The following SLAMF8 variants were observed in gnomAD, a reference collection of about 807,000 sequenced individuals.
SLAMF8 encodes SLAM family member 8.
A neutral mutation model predicts 29.0 loss-of-function variants in SLAMF8; 23 were observed. The observed-to-expected ratio is 0.79, with a 90% CI of 0.57 to 1.13. SLAMF8 has a LOEUF of 1.13. Ranked by LOEUF, SLAMF8 falls within the 50% of genes most tolerant of loss-of-function variation. SLAMF8 has a pLI of 0.00. For missense variants in SLAMF8, 381 were observed against 353.1 expected (o/e 1.08, Z -0.63); for synonymous variants, 139 against 145.6 (o/e 0.96, Z 0.32).
At position 159,837,131 on chromosome 1, in the gene SLAMF8, G is replaced by T. The variant is rs1050400551; in HGVS notation, c.*1871G>T. The T allele has an allele frequency of 2.8e-5, 28 of 985,374 alleles. No individual in the cohort carries two copies. The highest frequency in any genetic ancestry group is 5.2e-4 in the Middle Eastern group (1 of 1,936). 61.0% of individuals were successfully genotyped at this position (985,374 alleles called of 1,614,324 possible). ...AGCTCTGGATGAGATGGGACCTGCAGCTCTCCCTCCACAAGGTGACTCTTA... is the reference window on the plus strand; with the variant it reads ...AGCTCTGGATGAGATGGGACCTGCATCTCTCCCTCCACAAGGTGACTCTTA... On this transcript the variant is annotated 3_prime_UTR_variant, in exon 5 of 5. Transcript: ENST00000289707.
chr1:159,828,424 G>A (rs1286159314), intron 1 of SLAMF8, among the ~76,000 whole-genome samples: 4 of 152,186 alleles, frequency 2.6e-5, no homozygotes, highest in East Asian at 3.8e-4. Flanking sequence ...GAGGGGGACC[G>A]GAATTATCAT....
At chr1:159,826,971 A>G in intron 1 of SLAMF8, 33 bp downstream of exon 1, 1 of 1,613,702 alleles carries the variant, frequency 6.2e-7, no homozygotes, top group Non-Finnish European at 8.5e-7. Context: ...CTGTCCTCGG[A>G]GAGCTGAAGG....
chr1:159,833,229 A>T (rs1647629883), intron 3 of SLAMF8, 33 bp from the exon 4 acceptor site: 1 of 1,614,056 alleles, frequency 6.2e-7, no homozygotes, highest in South Asian at 1.1e-5. Flanking sequence ...TGAAGCATCA[A>T]GTCCACCTCT....
Position 159,836,098 on chromosome 1 carries a change from G to A in SLAMF8, c.*838G>A, listed in dbSNP as rs16842684. The A allele has an allele frequency of 0.012, 11,842 of 985,392 alleles. 1,009 individuals are homozygous for A. The African/African-American group carries it at 0.18, about 15-fold the overall frequency. 61.0% of individuals were successfully genotyped at this position (985,392 alleles called of 1,614,324 possible). On this transcript the variant is annotated 3_prime_UTR_variant, in exon 5 of 5. Coordinates refer to ENST00000289707, the MANE Select transcript of SLAMF8 (RefSeq NM_020125.3). Reference sequence around the variant, plus strand: ...CTGAATTTGCCCCAGCCAACAGGACGTTCTTGCACAACTTCAAGAAAAGCA... The same window carrying A: ...CTGAATTTGCCCCAGCCAACAGGACATTCTTGCACAACTTCAAGAAAAGCA...
Position 159,835,258 on chromosome 1 carries a change from T to C in SLAMF8, c.856T>C (p.Ter286GlnextTer4), listed in dbSNP as rs1468155975. 3 of 1,613,498 alleles carry C rather than the reference T, an allele frequency of 1.9e-6. No individual in the cohort carries two copies. The highest frequency in any genetic ancestry group is 2.2e-5 in the East Asian group (1 of 44,862). ...TENPLVQDLP* is the reference protein window; with the variant it reads ...TENPLVQDLPQ ...GAACCCCCTTGTGCAGGATCTGCCA[T>C]AAAGGACAATATGAACTGATGCCTG... Residue 286 changes from the stop codon to glutamine, a stop_lost, in exon 5 of 5, where the codon TAA becomes CAA. Transcript: ENST00000289707.
chr1:159,830,246 C>A (rs774291693), intron 2 of SLAMF8, 54 bp downstream of exon 2: 2 of 1,500,832 alleles, frequency 1.3e-6, no homozygotes, highest in South Asian at 2.7e-5. Context: ...AAGCACCAGA[C>A]GAGCATCCTG....
intron 2 of SLAMF8, 149 bp downstream of exon 2, chr1:159,830,341 C>A: frequency 1.2e-6 from 1 of 839,986 alleles, no homozygotes; most frequent in Non-Finnish European, 1.8e-6. Flanking sequence ...TGCTCCCTGG[C>A]AGTCACGTCT....
intron 2 of SLAMF8, 46 bp from the exon 3 acceptor site, chr1:159,832,830 G>A: frequency 6.3e-7 from 1 of 1,584,996 alleles, no homozygotes; most frequent in East Asian, 2.2e-5. Flanking sequence ...TGTGGGCCCT[G>A]CCCAGCATCC....
In SLAMF8 at chr1:159,835,778, C is replaced by T. The variant is rs1647883756; in HGVS notation, c.*518C>T. On this transcript the variant is annotated 3_prime_UTR_variant, in exon 5 of 5. Coordinates refer to ENST00000289707, the MANE Select transcript of SLAMF8 (RefSeq NM_020125.3). ...ATGCTTCCTGAGGGCCAAGGCATTG[C>T]TGTAAGAAAAGGTCTAGAAATAGGT... 3.0e-6 allele frequency: 3 copies of T among 985,488 alleles called. No homozygotes were observed. Among genetic ancestry groups the T allele is most frequent in the East Asian group, 1.1e-4 (1 of 8,836 alleles). 61.0% of individuals were successfully genotyped at this position (985,488 alleles called of 1,614,324 possible). A position where few individuals can be genotyped will look rare whatever the true frequency, so the allele number is the denominator to read the frequency against.
In SLAMF8 at chr1:159,833,242, C is replaced by G; in HGVS notation, c.674-20C>G. 6.2e-7 allele frequency: 1 copy of G among 1,614,128 alleles called. No individual in the cohort carries two copies. Reference sequence around the variant, plus strand: ...TATGAAGCATCAAGTCCACCTCTAACCCCACCCCTCCATGTTCAGCACCAG... The same window carrying G: ...TATGAAGCATCAAGTCCACCTCTAAGCCCACCCCTCCATGTTCAGCACCAG... On this transcript the variant is annotated intron_variant, in intron 3 of 4. Transcript: ENST00000289707.
At chr1:159,827,182 G>T (rs1391189054) in intron 1 of SLAMF8, among the ~76,000 whole-genome samples, 1 of 152,220 alleles carries the variant, frequency 6.6e-6, no homozygotes, top group African/African-American at 2.4e-5. Context: ...GACATGAGCT[G>T]TTTTGTGGCC....
chr1:159,832,177 A>G (rs970566603), intron 2 of SLAMF8, among the ~76,000 whole-genome samples: 10 of 152,212 alleles, frequency 6.6e-5, no homozygotes, highest in Non-Finnish European at 1.2e-4. Context: ...TGCCAGCACT[A>G]CAGAGCTAAG....
intron 1 of SLAMF8, 91 bp from the exon 2 acceptor site, chr1:159,829,775 G>A (rs922099213): frequency 1.4e-6 from 2 of 1,422,290 alleles, no homozygotes; most frequent in Non-Finnish European, 1.9e-6. Context: ...CAGTGGAGGG[G>A]CCCCAATTCA....
At chr1:159,834,865 C>T (rs565034054) in intron 4 of SLAMF8, 6 of 261,636 alleles carry the variant, frequency 2.3e-5, no homozygotes, top group Admixed American at 5.0e-5. Flanking sequence ...AAGCTCCATG[C>T]AGGGAGTCCA....
chr1:159,830,322 G>A, intron 2 of SLAMF8, 130 bp downstream of exon 2: 2 of 980,230 alleles, frequency 2.0e-6, no homozygotes, highest in Non-Finnish European at 2.9e-6. Context: ...TGCCGACTCA[G>A]GGAACAGCTG....
Position 159,836,504 on chromosome 1 carries a change from A to C in SLAMF8, c.*1244A>C. Reference sequence around the variant, plus strand: ...ATAAGGTTCACAGTTTCTCTCACCCAGGTGTAACTGGATTTTTTCTGGGGC... The same window carrying C: ...ATAAGGTTCACAGTTTCTCTCACCCCGGTGTAACTGGATTTTTTCTGGGGC... On this transcript the variant is annotated 3_prime_UTR_variant, in exon 5 of 5. Coordinates refer to ENST00000289707, the MANE Select transcript of SLAMF8 (RefSeq NM_020125.3). The C allele has an allele frequency of 1.0e-6, 1 of 985,456 alleles. No homozygotes were observed. Among genetic ancestry groups the C allele is most frequent in the Non-Finnish European group, 1.2e-6 (1 of 829,938 alleles). The allele number at this position is 985,456 out of a possible 1,614,324, so 61.0% of individuals were successfully genotyped here. A position where few individuals can be genotyped will look rare whatever the true frequency, so the allele number is the denominator to read the frequency against.
chr1:159,829,938 C>G lies in SLAMF8; in HGVS notation c.113C>G (p.Ala38Gly). 1 of 1,614,224 alleles carries G rather than the reference C, an allele frequency of 6.2e-7. No homozygotes were observed. The stretch of plus-strand genomic sequence containing the variant: ...GGGGGCTCGGTGCTGCTGGTGGCAG[C>G]GCGTCCCCCTGGCTTCCAAGTCCGT... ...KVGGSVLLVA[A>G]RPPGFQVREA... Residue 38 changes from alanine to glycine, a missense_variant, in exon 2 of 5, where the codon GCG becomes GGG. Physicochemically the swap from Ala to Gly is moderately conservative, Grantham distance 60. Coordinates refer to ENST00000289707, the MANE Select transcript of SLAMF8 (RefSeq NM_020125.3).
chr1:159,833,036 A>G lies in SLAMF8; in HGVS notation c.528A>G (p.Pro176=), dbSNP rs757156956. The change falls in exon 3 of 5, where the codon CCA becomes CCG. Residue 176 remains proline, a synonymous_variant. Coordinates refer to ENST00000289707, the MANE Select transcript of SLAMF8 (RefSeq NM_020125.3). ...RETTMDFGME[P]HSLFTDGQVL... ...CAACCATGGACTTTGGTATGGAACC[A>G]CACAGCCTCTTCACAGACGGACAGG... 10 of 1,614,120 alleles carry G rather than the reference A, an allele frequency of 6.2e-6. No homozygotes were observed. Among genetic ancestry groups the G allele is most frequent in the Middle Eastern group, 1.6e-4 (1 of 6,084 alleles).
In SLAMF8 at chr1:159,836,221, G is replaced by C; in HGVS notation, c.*961G>C. The C allele has an allele frequency of 6.1e-6, 6 of 985,434 alleles. No homozygotes were observed. Among genetic ancestry groups the C allele is most frequent in the Non-Finnish European group, 7.2e-6 (6 of 829,936 alleles). The allele number at this position is 985,434 out of a possible 1,614,324, so 61.0% of individuals were successfully genotyped here. A position where few individuals can be genotyped will look rare whatever the true frequency, so the allele number is the denominator to read the frequency against. ...CATTATGGAGAGAAAGGGTACTGAG[G>C]CACTCTAGAATCTGCCACATTCATT... On this transcript the variant is annotated 3_prime_UTR_variant, in exon 5 of 5. Transcript: ENST00000289707.
Sources: gnomAD v4.1 joint callset for allele counts (sites outside exome capture counted in the v4.1 genomes callset) on GRCh38, gnomAD v4.1.1 for gene constraint, MANE v1.5 for transcripts, NCBI Gene and HGNC (gene_info 2026-07-23, HGNC 2026-07-21) for gene names.